HYOU1: variants seen among roughly 807,000 people sequenced by gnomAD.
HYOU1 encodes hypoxia up-regulated 1.
Under a neutral mutation model 120.5 loss-of-function variants are expected in HYOU1, and 40 were observed. The ratio of observed to expected loss-of-function variants is 0.33; its 90% CI spans 0.26 to 0.43. The LOEUF is 0.43. Among genes scored for constraint, HYOU1 ranks in the 20% least tolerant of loss-of-function variants. HYOU1 has a pLI of 1.00. For missense variants in HYOU1, 1,085 were observed against 1,278.3 expected, an observed-to-expected ratio of 0.85 and a Z score of 2.31; for synonymous variants, 501 against 479.4, an observed-to-expected ratio of 1.05 and a Z score of -0.59.
At position 119,049,836 on chromosome 11, in the gene HYOU1, A is replaced by G. The variant is rs1451447325; in HGVS notation, c.1667T>C (p.Val556Ala). 3.1e-6 allele frequency: 5 copies of G among 1,613,810 alleles called. No individual in the cohort carries two copies. Among genetic ancestry groups the G allele is most frequent in the Non-Finnish European group, 4.2e-6 (5 of 1,179,850 alleles). ...DESGVLSLDR[V>A]ESVFETLVED... ...TACCAGTGTCTCAAATACAGACTCCACCTGAAAACAGGTTCAAAATGAAAA... is the reference window on the plus strand; with the variant it reads ...TACCAGTGTCTCAAATACAGACTCCGCCTGAAAACAGGTTCAAAATGAAAA... Residue 556 changes from valine to alanine, a missense_variant and splice_region_variant, in exon 15 of 26, where the codon GTG becomes GCG. By Grantham distance (64) the Val-to-Ala change is moderately conservative. Coordinates refer to ENST00000617285, the MANE Select transcript of HYOU1 (RefSeq NM_006389.5).
intron 16 of HYOU1, 77 bp from the exon 17 acceptor site, chr11:119,049,280 C>G: frequency 1.3e-6 from 2 of 1,589,666 alleles, no homozygotes; most frequent in East Asian, 2.3e-5. Context: ...CACCGCCGAC[C>G]CCATGGGGGT....
At chr11:119,045,941 G>A (rs1944041250) in intron 24 of HYOU1, 110 bp from the exon 25 acceptor site, 1 of 1,063,022 alleles carries the variant, frequency 9.4e-7, no homozygotes, top group Non-Finnish European at 1.4e-6. Flanking sequence ...TAGGATGCAT[G>A]TACCACATTT....
chr11:119,056,293 C>G (rs1215895903), intron 1 of HYOU1, 126 bp from the exon 2 acceptor site: 1 of 736,076 alleles, frequency 1.4e-6, no homozygotes, highest in Non-Finnish European at 2.4e-6. Context: ...GGCAGATCAG[C>G]CTACTTCTCC....
In HYOU1 at chr11:119,048,632, G is replaced by T; in HGVS notation, c.2166-69C>A. On this transcript the variant is annotated intron_variant, in intron 18 of 25. Coordinates refer to ENST00000617285, the MANE Select transcript of HYOU1 (RefSeq NM_006389.5). This position sits in a 1 kb window ranked among gnomAD's most constrained non-coding sequence, Gnocchi z 4.7. ...AGAACTTGAGACTCTGGGTCCGACA[G>T]CCCTCCCTCCCAGGGCGCCATCCCA... 2.5e-6 allele frequency: 4 copies of T among 1,607,418 alleles called. No homozygotes were observed. Among genetic ancestry groups the T allele is most frequent in the Non-Finnish European group, 3.4e-6 (4 of 1,175,702 alleles).
intron 24 of HYOU1, among the ~76,000 whole-genome samples, 175 bp from the exon 25 acceptor site, chr11:119,046,006 G>A (rs1290940074): frequency 2.6e-5 from 4 of 152,198 alleles, no homozygotes; most frequent in Non-Finnish European, 5.9e-5. Context: ...CCAGGCTGGA[G>A]TGCAGAGTGC....
chr11:119,056,371 G>A (rs4540842), intron 1 of HYOU1: 1 of 660,436 alleles, frequency 1.5e-6, no homozygotes, highest in Non-Finnish European at 2.8e-6. Flanking sequence ...AAAGGCCCAA[G>A]TGAAAGAGCA....
Position 119,055,673 on chromosome 11 carries a change from G to A in HYOU1, c.185+77C>T. 2 of 1,493,210 alleles carry A rather than the reference G, an allele frequency of 1.3e-6. No homozygotes were observed. Among genetic ancestry groups the A allele is most frequent in the Non-Finnish European group, 1.9e-6 (2 of 1,069,958 alleles). The allele number at this position is 1,493,210 out of a possible 1,614,324, so 92.5% of individuals were successfully genotyped here. On this transcript the variant is annotated intron_variant, in intron 3 of 25. Coordinates refer to ENST00000617285, the MANE Select transcript of HYOU1 (RefSeq NM_006389.5). This position sits in a 1 kb window ranked among gnomAD's most constrained non-coding sequence, Gnocchi z 4.0. ...CACTCAGATGCCGAAGTCTGCTGTG[G>A]GCACTATGACTAACACATTCACACT...
intron 6 of HYOU1, 48 bp from the exon 7 acceptor site, chr11:119,054,723 G>A (rs1032072488): frequency 1.3e-6 from 2 of 1,562,990 alleles, no homozygotes; most frequent in East Asian, 2.2e-5. Flanking sequence ...TACCTTAGAT[G>A]AGGGCTTCTA....
intron 8 of HYOU1, chr11:119,053,164 G>A (rs1008889546): frequency 3.4e-5 from 9 of 264,672 alleles, no homozygotes; most frequent in South Asian, 1.3e-4. Context: ...TTATCACTAC[G>A]TCACATGTTG....
chr11:119,055,549 C>T lies in HYOU1; in HGVS notation c.208G>A (p.Val70Met). 1 of 1,614,120 alleles carries T rather than the reference C, an allele frequency of 6.2e-7. No homozygotes were observed. Among genetic ancestry groups the T allele is most frequent in the South Asian group, 1.1e-5 (1 of 91,082 alleles). The change falls in exon 4 of 26, where the codon GTG becomes ATG. Residue 70 changes from valine to methionine, a missense_variant. Physicochemically the swap from Val to Met is conservative, Grantham distance 21. Transcript: ENST00000617285. This position sits in a 1 kb window ranked among gnomAD's most constrained non-coding sequence, Gnocchi z 4.0. Reference sequence around the variant, plus strand: ...TCATTTTCTTTCAGGGTCACGATCACCGGTGTTTTCCTCCGAGATTCCCTG... The same window carrying T: ...TCATTTTCTTTCAGGGTCACGATCATCGGTGTTTTCCTCCGAGATTCCCTG... The part of the protein sequence containing the change: ...LNKESRRKTP[V>M]IVTLKENERF...
chr11:119,055,988 G>T lies in HYOU1; in HGVS notation c.91+82C>A. ...GGACCTAACAACTCAAGAGACTTCT[G>T]GCCAACAGCCCCAAGCTCAATTCCC... On this transcript the variant is annotated intron_variant, in intron 2 of 25. Transcript: ENST00000617285. The surrounding 1 kb of genome is among the most constrained non-coding windows in gnomAD (Gnocchi z 4.0). The T allele has an allele frequency of 7.0e-7, 1 of 1,425,726 alleles. No homozygotes were observed. Among genetic ancestry groups the T allele is most frequent in the Non-Finnish European group, 9.9e-7 (1 of 1,009,126 alleles). 88.3% of individuals were successfully genotyped at this position (1,425,726 alleles called of 1,614,324 possible).
In HYOU1 at chr11:119,052,383, C is replaced by T. The variant is rs1202791127; in HGVS notation, c.1034G>A (p.Arg345His). 4.3e-6 allele frequency: 7 copies of T among 1,614,244 alleles called. No homozygotes were observed. Among genetic ancestry groups the T allele is most frequent in the Non-Finnish European group, 5.9e-6 (7 of 1,180,036 alleles). The change falls in exon 10 of 26, where the codon CGT (arginine) becomes CAT (histidine). Residue 345 changes from arginine to histidine, a missense_variant. Around this residue, in one of 4 missense-constraint regions of HYOU1, gnomAD observed 515 missense variants for 677.8 expected, o/e 0.76. Coordinates refer to ENST00000617285, the MANE Select transcript of HYOU1 (RefSeq NM_006389.5). This position sits in a 1 kb window ranked among gnomAD's most constrained non-coding sequence, Gnocchi z 5.0. ...DDVDFKAKVT[R>H]VEFEELCADL... ...TGCACACAACTCCTCAAATTCCACA[C>T]GAGTCACTTTTGCCTTGAAGTCCAC...
At chr11:119,047,383 C>G (rs1944149200) in intron 22 of HYOU1, 1 of 275,084 alleles carries the variant, frequency 3.6e-6, no homozygotes. Flanking sequence ...TTACTGAGCT[C>G]TGGCTCAAGA....
Position 119,048,560 on chromosome 11 carries a change from A to G in HYOU1, c.2169T>C (p.Leu723=). 1.2e-6 allele frequency: 2 copies of G among 1,613,876 alleles called. No homozygotes were observed. Among genetic ancestry groups the G allele is most frequent in the South Asian group, 2.2e-5 (2 of 91,060 alleles). The stretch of plus-strand genomic sequence containing the variant: ...CCAGGTCTCGGAGTGTCAAGTCCTG[A>G]AGTCTATGGGACAAAGGAGGGGTAG... ...EDKLAQSVQK[L]QDLTLRDLEK... is the part of the protein sequence containing the mutation. The change falls in exon 19 of 26, where the codon CTT becomes CTC. Residue 723 remains leucine, a synonymous_variant. Transcript: ENST00000617285. The surrounding 1 kb of genome is among the most constrained non-coding windows in gnomAD (Gnocchi z 4.7).
Position 119,048,551 on chromosome 11 carries a change from C to A in HYOU1, c.2178G>T (p.Leu726Phe). Residue 726 changes from leucine (L) to phenylalanine (F), a missense_variant, in exon 19 of 26, where the codon TTG becomes TTT. Coordinates refer to ENST00000617285, the MANE Select transcript of HYOU1 (RefSeq NM_006389.5). The surrounding 1 kb of genome is among the most constrained non-coding windows in gnomAD (Gnocchi z 4.7). ...LAQSVQKLQD[L>F]TLRDLEKQER... The stretch of plus-strand genomic sequence containing the variant: ...CCTGCTTCTCCAGGTCTCGGAGTGT[C>A]AAGTCCTGAAGTCTATGGGACAAAG... 1 of 1,614,014 alleles carries A rather than the reference C, an allele frequency of 6.2e-7. No homozygotes were observed. Among genetic ancestry groups the A allele is most frequent in the Non-Finnish European group, 8.5e-7 (1 of 1,179,994 alleles).
intron 14 of HYOU1, among the ~76,000 whole-genome samples, chr11:119,050,424 A>G (rs2133578727): frequency 5.2e-4 from 79 of 152,042 alleles, no homozygotes; most frequent in Non-Finnish European, 4.4e-4. Flanking sequence ...AATAATAATA[A>G]TAAGTGGATT....
intron 22 of HYOU1, 139 bp from the exon 23 acceptor site, chr11:119,046,941 C>T (rs1944116466): frequency 9.1e-7 from 1 of 1,104,150 alleles, no homozygotes; most frequent in South Asian, 1.5e-5. Flanking sequence ...CCCCAAGAGG[C>T]TAACAGACTC....
rs2133606773 is a variant in HYOU1, at chr11:119,054,662, C to T, written c.510G>A (p.Lys170=). 2.9e-3 allele frequency: 4,629 copies of T among 1,612,384 alleles called. 110 individuals are homozygous for T. In the African/African-American group the frequency reaches 0.052, roughly 18 times the overall value. ...AGACTGGCACGGTGATCACTGCATC[C>T]TTGATGGGCTGCTCTACAGATGACA... The part of the protein sequence containing the change: ...LAEDFAEQPI[K]DAVITVPVFF... The change falls in exon 7 of 26, where the codon AAG becomes AAA. Residue 170 remains lysine, a synonymous_variant. Transcript: ENST00000617285.
Position 119,056,140 on chromosome 11 carries a change from C to T in HYOU1, c.21G>A (p.Arg7=), listed in dbSNP as rs191699870. 3 of 1,613,938 alleles carry T rather than the reference C, an allele frequency of 1.9e-6. No homozygotes were observed. The highest frequency in any genetic ancestry group is 2.5e-6 in the Non-Finnish European group (3 of 1,179,998). The stretch of plus-strand genomic sequence containing the variant: ...AACAGACTCGCCTCCTCGGCCTCTG[C>T]CTCCTAACTTTGTCTGCCATAGTGC... MADKVR[R]QRPRRRVCWA... The change falls in exon 2 of 26, where the codon AGG becomes AGA. Residue 7 remains arginine (R), a synonymous_variant. Coordinates refer to ENST00000617285, the MANE Select transcript of HYOU1 (RefSeq NM_006389.5).
Sources: gnomAD v4.1 joint callset for allele counts (sites outside exome capture counted in the v4.1 genomes callset) on GRCh38, gnomAD v4.1.1 for gene constraint, gnomAD v4.1.1 regional missense constraint, Gnocchi (gnomAD v3.1) non-coding constraint, MANE v1.5 for transcripts, NCBI Gene and HGNC (gene_info 2026-07-23, HGNC 2026-07-21) for gene names.